Variants in CYGB observed in about 807,000 individuals in gnomAD.
CYGB encodes cytoglobin, also known as histoglobin.
A neutral mutation model predicts 20.7 loss-of-function variants in CYGB; 13 were observed. The ratio of observed to expected loss-of-function variants is 0.63; its 90% CI spans 0.41 to 1.00. CYGB has a LOEUF of 1.00. Among genes scored for constraint, CYGB ranks in the 50% least tolerant of loss-of-function variants. The pLI is 0.00. For missense variants in CYGB, 218 were observed against 257.2 expected (o/e 0.85, Z 1.04); for synonymous variants, 93 against 107.4 (o/e 0.87, Z 0.83).
rs749934620 is a variant in CYGB, at chr17:76,531,578, A to G, written c.257T>C (p.Met86Thr). 1 of 1,614,058 alleles carries G rather than the reference A, an allele frequency of 6.2e-7. No homozygotes were observed. The highest frequency in any genetic ancestry group is 1.1e-5 in the South Asian group (1 of 91,086). Residue 86 changes from methionine (M) to threonine (T), a missense_variant, in exon 2 of 4, where the codon ATG becomes ACG. By Grantham distance (81) the Met-to-Thr change is moderately conservative (BLOSUM62 -1). Around this residue, in one of 2 missense-constraint regions of CYGB, gnomAD observed 152 missense variants for 149.9 expected, o/e 1.01. Coordinates refer to ENST00000293230, the MANE Select transcript of CYGB (RefSeq NM_134268.5). The surrounding 1 kb of genome is among the most constrained non-coding windows in gnomAD (Gnocchi z 7.4). ...CTCCACGACAGTGTTGAGGGCCCCC[A>G]TGACTCGGCAGGCGTGCTTCCGCAG... ...PQLRKHACRV[M>T]GALNTVVENL...
upstream of CYGB, chr17:76,540,629 G>A (rs1418575444): frequency 1.9e-6 from 3 of 1,552,720 alleles, no homozygotes; most frequent in Admixed American, 3.4e-5. The surrounding 1 kb of genome is among the most constrained non-coding windows in gnomAD (Gnocchi z 5.0). Flanking sequence ...AGCTGTGGCT[G>A]TGCATGCCTG....
chr17:76,534,176 C>CTCTCTCTA (rs1555623595), intron 1 of CYGB, among the ~76,000 whole-genome samples: 1 of 126,038 alleles, frequency 7.9e-6, no homozygotes, highest in Non-Finnish European at 1.7e-5. Flanking sequence ...CTCTCTCTCT[C>CTCTCTCTA]TTTCTTTCTT....
Position 76,537,682 on chromosome 17 carries a change from T to A in CYGB, c.-140A>T. On this transcript the variant is annotated 5_prime_UTR_variant, in exon 1 of 4. Coordinates refer to ENST00000293230, the MANE Select transcript of CYGB (RefSeq NM_134268.5). ...GGGTAGAGCGCGGAGGGAGGGAGCG[T>A]GTGTCTGTGCGCGCCGGGTGTGTGT... The A allele has an allele frequency of 1.3e-6, 1 of 768,282 alleles. No individual in the cohort carries two copies. The highest frequency in any genetic ancestry group is 1.6e-6 in the Non-Finnish European group (1 of 637,812). 47.6% of individuals were successfully genotyped at this position (768,282 alleles called of 1,614,324 possible). A position where few individuals can be genotyped will look rare whatever the true frequency, so the allele number is the denominator to read the frequency against.
chr17:76,543,240 C>G (rs972449915), intron 1 of CYGB: 1 of 369,008 alleles, frequency 2.7e-6, no homozygotes, highest in Admixed American at 3.5e-5. Context: ...GCTCGCTGCT[C>G]TCGGACGGGC....
Position 76,537,433 on chromosome 17 carries a change from T to C in CYGB, c.110A>G (p.Asn37Ser), listed in dbSNP as rs11544066. The part of the protein sequence containing the change: ...VQAMWARLYA[N>S]CEDVGVAILV... ...GATGGCCACCCCCACGTCCTCGCAGTTGGCATAGAGCCGGGCCCACATAGC... is the reference window on the plus strand; with the variant it reads ...GATGGCCACCCCCACGTCCTCGCAGCTGGCATAGAGCCGGGCCCACATAGC... The change falls in exon 1 of 4, where the codon AAC (asparagine) becomes AGC (serine). Residue 37 changes from asparagine (N) to serine (S), a missense_variant. Physicochemically the swap from Asn to Ser is conservative, Grantham distance 46. Around this residue, in one of 2 missense-constraint regions of CYGB, gnomAD observed 152 missense variants for 149.9 expected, o/e 1.01. Transcript: ENST00000293230. 1 of 1,598,896 alleles carries C rather than the reference T, an allele frequency of 6.3e-7. No individual in the cohort carries two copies. The highest frequency in any genetic ancestry group is 8.5e-7 in the Non-Finnish European group (1 of 1,173,042).
chr17:76,540,640 GGGGTGCACGT>G, upstream of CYGB: 2 of 1,511,106 alleles, frequency 1.3e-6, no homozygotes, highest in South Asian at 2.3e-5. The surrounding 1 kb of genome is among the most constrained non-coding windows in gnomAD (Gnocchi z 5.0). Flanking sequence ...TGCATGCCTG[GGGGTGCACGT>G]GTGTGCCTGT....
intron 1 of CYGB, chr17:76,545,563 G>A (rs755123434): frequency 2.9e-6 from 1 of 349,050 alleles, no homozygotes; most frequent in Non-Finnish European, 5.7e-6. Context: ...AAGAGTCCAA[G>A]AGCAAGGTGT....
upstream of CYGB, among the ~76,000 whole-genome samples, chr17:76,541,959 C>T (rs1313378205): frequency 4.6e-5 from 7 of 152,278 alleles, 1 homozygote; most frequent in South Asian, 8.3e-4. Flanking sequence ...GTTTCATGCT[C>T]GGGACCTGTG....
At chr17:76,548,500 C>T (rs1476631823) in intron 1 of CYGB, among the ~76,000 whole-genome samples, 1 of 152,190 alleles carries the variant, frequency 6.6e-6, no homozygotes, top group African/African-American at 2.4e-5. Context: ...ATAGGAAGGC[C>T]CCAGCCTCGG....
chr17:76,541,780 A>G (rs980434289), upstream of CYGB, among the ~76,000 whole-genome samples: 7 of 152,162 alleles, frequency 4.6e-5, no homozygotes, highest in South Asian at 2.1e-4. Flanking sequence ...CCGGGTCTAG[A>G]GTTGGGCAGG....
chr17:76,537,270 C>A, intron 1 of CYGB, 130 bp downstream of exon 1: 5 of 1,108,760 alleles, frequency 4.5e-6, no homozygotes, highest in Non-Finnish European at 5.9e-6. Flanking sequence ...CCTGCTCCGC[C>A]GACCTCGGAC....
Position 76,533,334 on chromosome 17 carries a change from T to C in CYGB, c.144-1643A>G, listed in dbSNP as rs192081019. Among the ~76,000 whole-genome samples, 1 of 152,330 alleles carries C rather than the reference T, an allele frequency of 6.6e-6. No homozygotes were observed. The highest frequency in any genetic ancestry group is 1.9e-4 in the East Asian group (1 of 5,186). On this transcript the variant is annotated intron_variant, in intron 1 of 3. Coordinates refer to ENST00000293230, the MANE Select transcript of CYGB (RefSeq NM_134268.5). The surrounding 1 kb of genome is among the most constrained non-coding windows in gnomAD (Gnocchi z 4.5). ...CGACGGGTCTGAAAATACATTGAAT[T>C]TTCTGGAGAAGCACTGTAATGAGGG...
chr17:76,542,943 C>T (rs3803740), intron 1 of CYGB: 92,277 of 535,084 alleles, frequency 0.17, 9,183 homozygotes, highest in East Asian at 0.35. Flanking sequence ...AAGGGAGAGG[C>T]GGTGCTCGGA....
At chr17:76,542,869 T>A (rs1567912324) in intron 1 of CYGB, among the ~76,000 whole-genome samples, 1 of 152,074 alleles carries the variant, frequency 6.6e-6, no homozygotes, top group Non-Finnish European at 1.5e-5. Context: ...TTGACCACAT[T>A]TTCTAGGCTT....
upstream of CYGB, chr17:76,539,993 C>G (rs1294440781): frequency 1.3e-6 from 1 of 789,858 alleles, no homozygotes; most frequent in Non-Finnish European, 2.1e-6. Context: ...GGCCGCTGAC[C>G]CACTAATCAG....
At chr17:76,539,916 G>A (rs1008631204), upstream of CYGB, 17 of 601,872 alleles carry the variant, frequency 2.8e-5, no homozygotes, top group Non-Finnish European at 4.7e-5. Flanking sequence ...CACAGTGCAT[G>A]CCTTGACCCT....
At chr17:76,544,278 C>T (rs1161957896) in intron 1 of CYGB, 12 of 454,426 alleles carry the variant, frequency 2.6e-5, no homozygotes, top group South Asian at 4.7e-5. Context: ...CTGGCTGGCC[C>T]GTGCCCTTGA....
chr17:76,549,414 A>G (rs2075086261), intron 1 of CYGB, among the ~76,000 whole-genome samples: 1 of 152,244 alleles, frequency 6.6e-6, no homozygotes, highest in Non-Finnish European at 1.5e-5. Flanking sequence ...TCCACATGCA[A>G]ATCAAAAGCC....
chr17:76,549,036 CA>C (rs1471963029), intron 1 of CYGB, among the ~76,000 whole-genome samples: 1 of 152,076 alleles, frequency 6.6e-6, no homozygotes, highest in Non-Finnish European at 1.5e-5. Context: ...CAATGGAATC[CA>C]AAAACAGATG....
Sources: allele counts gnomAD v4.1 joint callset (sites outside exome capture counted in the v4.1 genomes callset), GRCh38; gene constraint gnomAD v4.1.1; regional missense constraint gnomAD v4.1.1; non-coding constraint Gnocchi (gnomAD v3.1); transcripts MANE v1.5; gene names NCBI Gene and HGNC (gene_info 2026-07-23, HGNC 2026-07-21).